Variants in CSK observed in about 807,000 individuals in gnomAD.
CSK encodes the protein C-terminal Src kinase, also known as tyrosine-protein kinase CSK.
A neutral mutation model predicts 62.3 loss-of-function variants in CSK; 7 were observed. The observed-to-expected ratio is 0.11, with a 90% CI of 0.06 to 0.21. The LOEUF (loss-of-function observed/expected upper bound fraction) is 0.21. Ranked by LOEUF, CSK falls within the 10% of genes least tolerant of loss-of-function variation. The pLI, the probability that CSK is intolerant of heterozygous loss-of-function variation, is 1.00. For missense variants in CSK, 294 were observed against 613.5 expected (o/e 0.48, Z 5.50); for synonymous variants, 237 against 246.0 (o/e 0.96, Z 0.34).
intron 1 of CSK, among the ~76,000 whole-genome samples, chr15:74,785,095 A>G (rs1035064700): frequency 1.3e-5 from 2 of 152,200 alleles, no homozygotes; most frequent in African/African-American, 4.8e-5. Context: ...AGAAAATGAA[A>G]CAAAAATCAC....
At chr15:74,790,499 A>G (rs2063603239) in intron 1 of CSK, among the ~76,000 whole-genome samples, 1 of 152,182 alleles carries the variant, frequency 6.6e-6, no homozygotes, top group Admixed American at 6.5e-5. Context: ...CTTGGGCACA[A>G]TGCCAGCCTG....
At position 74,782,214 on chromosome 15, in the gene CSK, G is replaced by T; in HGVS notation, c.-572G>T. 6.7e-6 allele frequency: 1 copy of T among 149,044 alleles called. No individual in the cohort carries two copies. The highest frequency in any genetic ancestry group is 1.8e-4 in the South Asian group (1 of 5,626). The allele number at this position is 149,044 out of a possible 1,614,324, so 9.2% of individuals were successfully genotyped here. ...CTCCTGCCCCACCCGCGCCTTGCCC[G>T]GGGGCTTCTGCCGGGGTGGGGTCCG... is the stretch of plus-strand genomic sequence containing the variant. On this transcript the variant is annotated 5_prime_UTR_variant, in exon 1 of 13. Coordinates refer to ENST00000220003, the MANE Select transcript of CSK (RefSeq NM_004383.3). This position sits in a 1 kb window ranked among gnomAD's most constrained non-coding sequence, Gnocchi z 5.7.
intron 1 of CSK, among the ~76,000 whole-genome samples, chr15:74,794,668 G>A (rs34417906): frequency 0.062 from 9,455 of 152,150 alleles, 994 homozygotes; most frequent in African/African-American, 0.22. Context: ...GGAGATACCT[G>A]TCCTCCCCTT....
intron 1 of CSK, among the ~76,000 whole-genome samples, chr15:74,792,183 C>T (rs35962255): frequency 0.048 from 7,272 of 152,180 alleles, 586 homozygotes; most frequent in African/African-American, 0.17. Context: ...AAGGCTGTCT[C>T]CCCATCATCT....
intron 4 of CSK, 47 bp from the exon 5 acceptor site, chr15:74,799,225 G>T (rs762253758): frequency 1.3e-6 from 2 of 1,565,758 alleles, no homozygotes; most frequent in South Asian, 2.3e-5. Flanking sequence ...GGGAGCCAGG[G>T]TCAGTACCTT....
At position 74,801,518 on chromosome 15, in the gene CSK, C is replaced by G; in HGVS notation, c.814-4C>G. 1 of 1,611,850 alleles carries G rather than the reference C, an allele frequency of 6.2e-7. No homozygotes were observed. The highest frequency in any genetic ancestry group is 8.5e-7 in the Non-Finnish European group (1 of 1,178,594). ...TCGGCCTGGTCTGTCCTTCCTGCCC[C>G]CAGGGGAGCCTTGTGGACTACCTGC... is the stretch of plus-strand genomic sequence containing the variant. On this transcript the variant is annotated splice_polypyrimidine_tract_variant and splice_region_variant and intron_variant, in intron 9 of 12. Coordinates refer to ENST00000220003, the MANE Select transcript of CSK (RefSeq NM_004383.3).
rs2063446201 is a variant in CSK at position 74,782,277 on chromosome 15, G to T, written c.-509G>T. The stretch of plus-strand genomic sequence containing the variant: ...GCCCGGCTGCGCCGCCGTCGGGGCC[G>T]TAACCCGGCCCGCCGTCCCTCCCGC... On this transcript the variant is annotated 5_prime_UTR_variant, in exon 1 of 13. Transcript: ENST00000220003. This position sits in a 1 kb window ranked among gnomAD's most constrained non-coding sequence, Gnocchi z 5.7. The T allele has an allele frequency of 6.7e-6, 1 of 149,214 alleles. No individual in the cohort carries two copies. The highest frequency in any genetic ancestry group is 2.4e-5 in the African/African-American group (1 of 41,098). 9.2% of individuals were successfully genotyped at this position (149,214 alleles called of 1,614,324 possible).
At chr15:74,785,071 G>C (rs753798136) in intron 1 of CSK, among the ~76,000 whole-genome samples, 1 of 152,094 alleles carries the variant, frequency 6.6e-6, no homozygotes, top group African/African-American at 2.4e-5. Context: ...ACAAAACAGC[G>C]CTACAGGAAA....
At chr15:74,783,934 AGCAG>A (rs2063477621) in intron 1 of CSK, among the ~76,000 whole-genome samples, 1 of 152,256 alleles carries the variant, frequency 6.6e-6, no homozygotes, top group South Asian at 2.1e-4. Flanking sequence ...CTCCACTGGC[AGCAG>A]GCTACAGACT....
intron 12 of CSK, 67 bp from the exon 13 acceptor site, chr15:74,802,264 G>T: frequency 6.7e-7 from 1 of 1,492,992 alleles, no homozygotes; most frequent in African/African-American, 1.4e-5. Flanking sequence ...ATCCCTGAGA[G>T]GCTGCTGGGT....
In CSK at chr15:74,802,086, G is replaced by A. The variant is rs1023050511; in HGVS notation, c.1170+3G>A. On this transcript the variant is annotated splice_donor_region_variant and intron_variant, in intron 12 of 12. Coordinates refer to ENST00000220003, the MANE Select transcript of CSK (RefSeq NM_004383.3). ...GGCGAGTGCCTTATCCAAGAATTGT[G>A]AGTATGGGTACTGGGATCAGGGTGG... 1 of 1,613,614 alleles carries A rather than the reference G, an allele frequency of 6.2e-7. No homozygotes were observed. The highest frequency in any genetic ancestry group is 1.1e-5 in the South Asian group (1 of 91,048).
At chr15:74,787,810 C>T (rs995717304) in intron 1 of CSK, among the ~76,000 whole-genome samples, 2 of 152,216 alleles carry the variant, frequency 1.3e-5, no homozygotes, top group African/African-American at 2.4e-5. Flanking sequence ...ATCTGCCCCC[C>T]TTGGACCCTG....
intron 1 of CSK, among the ~76,000 whole-genome samples, chr15:74,788,937 T>C (rs751822259): frequency 6.6e-6 from 1 of 152,206 alleles, no homozygotes; most frequent in Non-Finnish European, 1.5e-5. Flanking sequence ...AGAGTCCCCA[T>C]TGCCCAGCGC....
At chr15:74,791,033 T>C (rs954370262) in intron 1 of CSK, 2 of 152,224 alleles carry the variant, frequency 1.3e-5, no homozygotes, top group Non-Finnish European at 2.9e-5. Context: ...ATAATTTTTT[T>C]AAAAGCCCAA....
intron 1 of CSK, among the ~76,000 whole-genome samples, chr15:74,789,694 G>C (rs986394176): frequency 5.3e-5 from 8 of 152,202 alleles, no homozygotes; most frequent in Non-Finnish European, 1.0e-4. Flanking sequence ...ACAGTTTGCA[G>C]TCTTAATCCT....
rs139842718 is a variant in CSK, at chr15:74,800,331, G to A, written c.463-81G>A. 623 of 1,292,736 alleles carry A rather than the reference G, an allele frequency of 4.8e-4. 5 individuals are homozygous for A. The African/African-American group carries it at 6.2e-3, about 13-fold the overall frequency. The allele number at this position is 1,292,736 out of a possible 1,614,324, so 80.1% of individuals were successfully genotyped here. A position where few individuals can be genotyped will look rare whatever the true frequency, so the allele number is the denominator to read the frequency against. On this transcript the variant is annotated intron_variant, in intron 5 of 12. Coordinates refer to ENST00000220003, the MANE Select transcript of CSK (RefSeq NM_004383.3). ...AGGCTAGGCGGGGCTGGCCTCTGCC[G>A]CCCTCTGGTGGTCAGGCCTGGACGG... is the stretch of plus-strand genomic sequence containing the variant.
At chr15:74,799,566 C>A (rs1282701967) in intron 5 of CSK, 75 bp downstream of exon 5, 1 of 1,434,916 alleles carries the variant, frequency 7.0e-7, no homozygotes, top group Non-Finnish European at 9.5e-7. Context: ...GCTTCTAGCT[C>A]CAGCCCCACT....
intron 5 of CSK, 97 bp from the exon 6 acceptor site, chr15:74,800,315 G>A (rs554402219): frequency 1.2e-5 from 12 of 1,036,836 alleles, no homozygotes; most frequent in Admixed American, 2.0e-5. Context: ...CAGGCTAGGC[G>A]GGGCTGGCCT....
chr15:74,799,523 C>A (rs1020928579), intron 5 of CSK, 32 bp downstream of exon 5: 11 of 1,591,032 alleles, frequency 6.9e-6, no homozygotes, highest in Middle Eastern at 1.7e-4. Context: ...CTTGCTCCCA[C>A]CCTCACACAC....
Sources: gnomAD v4.1 joint callset for allele counts (sites outside exome capture counted in the v4.1 genomes callset) on GRCh38, gnomAD v4.1.1 for gene constraint, Gnocchi (gnomAD v3.1) non-coding constraint, MANE v1.5 for transcripts, NCBI Gene and HGNC (gene_info 2026-07-23, HGNC 2026-07-21) for gene names.